The following ZBBX variants were observed in gnomAD, a reference collection of about 807,000 sequenced individuals.
The protein encoded by ZBBX is zinc finger B-box domain containing, also known as zinc finger B-box domain-containing protein 1.
In ZBBX, 101 loss-of-function variants were observed where a neutral mutation model predicts 108.5. The ratio of observed to expected loss-of-function variants is 0.93; its 90% CI spans 0.79 to 1.10. ZBBX has a LOEUF of 1.10. Among genes scored for constraint, ZBBX ranks in the 50% least tolerant of loss-of-function variants. The pLI, the probability that ZBBX is intolerant of heterozygous loss-of-function variation, is 0.00. For missense variants in ZBBX, 1,009 were observed against 941.4 expected (o/e 1.07, Z -0.94); for synonymous variants, 356 against 323.4 (o/e 1.10, Z -1.08).
At position 167,309,770 on chromosome 3, in the gene ZBBX, G is replaced by T. The variant is rs188587314; in HGVS notation, c.1418-3820C>A. 1.1e-3 allele frequency among the ~76,000 whole-genome samples: 161 copies of T among 152,328 alleles called. 1 individual carries two copies. The highest frequency in any genetic ancestry group is 3.8e-3 in the African/African-American group (159 of 41,578). On this transcript the variant is annotated intron_variant, in intron 16 of 21. Coordinates refer to ENST00000675490, the MANE Select transcript of ZBBX (RefSeq NM_001199201.2). ...GGGATGCTGTGAGGATCTCAGGAATGCCCTAGAGACATTTTCCCCATTGTC... is the reference window on the plus strand; with the variant it reads ...GGGATGCTGTGAGGATCTCAGGAATTCCCTAGAGACATTTTCCCCATTGTC...
chr3:167,328,138 C>T, intron 10 of ZBBX, 22 bp from the exon 11 acceptor site: 2 of 1,572,328 alleles, frequency 1.3e-6, no homozygotes, highest in Non-Finnish European at 1.7e-6. Context: ...GATACATAGG[C>T]ATGCTTTATT....
chr3:167,312,647 G>A (rs1207468194), intron 16 of ZBBX, among the ~76,000 whole-genome samples: 1 of 152,118 alleles, frequency 6.6e-6, no homozygotes, highest in African/African-American at 2.4e-5. Context: ...ACAATTACAT[G>A]GGCATTTATG....
chr3:167,407,008 A>G (rs1748605539), intron 1 of ZBBX, among the ~76,000 whole-genome samples: 1 of 152,182 alleles, frequency 6.6e-6, no homozygotes, highest in Non-Finnish European at 1.5e-5. Context: ...GTTGTTTGGG[A>G]AGACTGACTC....
chr3:167,381,388 G>A (rs1413608957), upstream of ZBBX: 1 of 152,128 alleles, frequency 6.6e-6, no homozygotes, highest in Non-Finnish European at 1.5e-5. Flanking sequence ...TAACAGTACA[G>A]TTAGTCCATA....
At chr3:167,178,908 G>GCT in the ZBBX span, among the ~76,000 whole-genome samples, 1 of 152,132 alleles carries the variant, frequency 6.6e-6, no homozygotes, top group African/African-American at 2.4e-5. Flanking sequence ...TGCAACTGCT[G>GCT]CTCCAGGGAG....
At chr3:167,219,925 G>A in the ZBBX span, among the ~76,000 whole-genome samples, 2 of 151,878 alleles carry the variant, frequency 1.3e-5, no homozygotes, top group East Asian at 1.9e-4. Flanking sequence ...CATTACAGCC[G>A]ATACTGCAGA....
chr3:167,380,279 C>T lies in ZBBX; in HGVS notation c.-319G>A, dbSNP rs1237510191. The T allele has an allele frequency of 6.6e-6, 1 of 152,292 alleles. No homozygotes were observed. The highest frequency in any genetic ancestry group is 2.4e-5 in the African/African-American group (1 of 41,468). 9.4% of individuals were successfully genotyped at this position (152,292 alleles called of 1,614,324 possible). ...CCCCAGCCTCTCGCGTCACCACCGC[C>T]GGATGGCCGCGGATAGCTGCCGGGA... On this transcript the variant is annotated 5_prime_UTR_variant, in exon 1 of 22. Coordinates refer to ENST00000675490, the MANE Select transcript of ZBBX (RefSeq NM_001199201.2).
chr3:167,240,806 GAC>G lies in ZBBX; in HGVS notation c.2505_2506del (p.Trp835CysfsTer24), dbSNP rs1185224450. The G allele has an allele frequency of 6.2e-7, 1 of 1,612,976 alleles. No homozygotes were observed. Among genetic ancestry groups the G allele is most frequent in the Non-Finnish European group, 8.5e-7 (1 of 1,179,364 alleles). On this transcript the variant is annotated frameshift_variant, in exon 22 of 22. Coordinates refer to ENST00000675490, the MANE Select transcript of ZBBX (RefSeq NM_001199201.2). LOFTEE classifies it high-confidence loss of function. The stretch of plus-strand genomic sequence containing the variant: ...AACAAATAATCTTTAAGTACTCTTT[GAC>G]CACGGTAGTGTGATGACATGTTGCT...
At chr3:167,220,398 G>A in the ZBBX span, among the ~76,000 whole-genome samples, 2 of 151,940 alleles carry the variant, frequency 1.3e-5, no homozygotes, top group African/African-American at 4.8e-5. Context: ...AGACTAAGTG[G>A]GATGTATTGC....
At chr3:167,224,622 C>A in the ZBBX span, among the ~76,000 whole-genome samples, 2,026 of 151,806 alleles carry the variant, frequency 0.013, 22 homozygotes, top group South Asian at 0.026. Context: ...AACATGCCAT[C>A]GTTAATAGCA....
chr3:167,377,028 T>G (rs547581287), intron 2 of ZBBX, among the ~76,000 whole-genome samples: 18 of 152,220 alleles, frequency 1.2e-4, no homozygotes, highest in Non-Finnish European at 2.5e-4. Context: ...GGTCATTCAG[T>G]TTTTTTTATA....
chr3:167,320,115 T>C lies in ZBBX; in HGVS notation c.983+2002A>G, dbSNP rs1019066371. ...GTAATGATCACACCTAGAGTCCAGA[T>C]CTTTGTTTCTGAGCACCATTCTCCA... On this transcript the variant is annotated intron_variant, in intron 12 of 21. Coordinates refer to ENST00000675490, the MANE Select transcript of ZBBX (RefSeq NM_001199201.2). Among the ~76,000 whole-genome samples the C allele has an allele frequency of 2.0e-5, 3 of 151,784 alleles. No homozygotes were observed. In the Admixed American group the frequency reaches 2.0e-4, roughly 10 times the overall value.
At chr3:167,325,092 G>T (rs1737120107) in intron 11 of ZBBX, among the ~76,000 whole-genome samples, 1 of 152,068 alleles carries the variant, frequency 6.6e-6, no homozygotes, top group African/African-American at 2.4e-5. Context: ...AATCTGATTT[G>T]TTTTTTATTT....
downstream of ZBBX, among the ~76,000 whole-genome samples, chr3:167,236,840 A>G (rs1315854295): frequency 6.6e-6 from 1 of 151,842 alleles, no homozygotes; most frequent in Non-Finnish European, 1.5e-5. Flanking sequence ...TCACATTTGT[A>G]CATTAATAAT....
At chr3:167,371,323 T>G (rs921740973) in intron 4 of ZBBX, among the ~76,000 whole-genome samples, 1 of 152,198 alleles carries the variant, frequency 6.6e-6, no homozygotes, top group Admixed American at 6.5e-5. Context: ...CCCAAAATCA[T>G]GTGGTCTCTG....
intron 1 of ZBBX, among the ~76,000 whole-genome samples, chr3:167,386,099 G>A (rs895253606): frequency 2.6e-5 from 4 of 151,742 alleles, no homozygotes; most frequent in African/African-American, 9.7e-5. Flanking sequence ...GAAAATCATG[G>A]GGCAAAAATA....
At chr3:167,277,931 C>G (rs1727958266) in intron 20 of ZBBX, among the ~76,000 whole-genome samples, 1 of 151,296 alleles carries the variant, frequency 6.6e-6, no homozygotes, top group Admixed American at 6.6e-5. Context: ...AACTAGAACT[C>G]AGGATTAAGA....
intron 2 of ZBBX, among the ~76,000 whole-genome samples, chr3:167,374,999 C>T (rs149225601): frequency 6.6e-6 from 1 of 152,214 alleles, no homozygotes; most frequent in East Asian, 1.9e-4. Flanking sequence ...GTGGCTGAGG[C>T]CCAATAATGA....
At chr3:167,374,563 T>C (rs911286577) in intron 2 of ZBBX, among the ~76,000 whole-genome samples, 5 of 152,198 alleles carry the variant, frequency 3.3e-5, no homozygotes, top group Admixed American at 6.5e-5. Flanking sequence ...TATGTGTTCC[T>C]ATGTGTGTGC....
Sources: gnomAD v4.1 joint callset for allele counts (sites outside exome capture counted in the v4.1 genomes callset) on GRCh38, gnomAD v4.1.1 for gene constraint, MANE v1.5 for transcripts, NCBI Gene and HGNC (gene_info 2026-07-23, HGNC 2026-07-21) for gene names.